EPC1: variants seen among roughly 807,000 people sequenced by gnomAD.
The protein encoded by EPC1 is enhancer of polycomb 1, also known as enhancer of polycomb homolog 1.
EPC1 carries 12 observed loss-of-function variants against 98.4 expected under a neutral mutation model. That is an observed-to-expected ratio of 0.12 (90% CI 0.08 to 0.20). The LOEUF is 0.20. EPC1 is among the 10% of genes least tolerant of loss of function. EPC1 has a pLI of 1.00. For missense variants in EPC1, 729 were observed against 990.5 expected (o/e 0.74, Z 3.54); for synonymous variants, 357 against 363.9 (o/e 0.98, Z 0.21).
chr10:32,292,287 T>C (rs73245663), intron 5 of EPC1: 5,757 of 322,054 alleles, frequency 0.018, 311 homozygotes, highest in African/African-American at 0.11. Context: ...ATACTTGGTA[T>C]GTTTTAACTT....
intron 10 of EPC1, among the ~76,000 whole-genome samples, chr10:32,278,019 G>A (rs114138328): frequency 0.012 from 1,782 of 152,300 alleles, 36 homozygotes; most frequent in African/African-American, 0.041. Flanking sequence ...GTGCAGCTGA[G>A]GGGAAAGTGA....
intron 2 of EPC1, among the ~76,000 whole-genome samples, chr10:32,295,264 A>G (rs1835083762): frequency 1.3e-5 from 2 of 152,084 alleles, no homozygotes; most frequent in Non-Finnish European, 2.9e-5. Flanking sequence ...GGGGGAAATA[A>G]CCTCCAAACC....
chr10:32,295,894 T>C (rs1369456507), intron 2 of EPC1, among the ~76,000 whole-genome samples: 3 of 151,722 alleles, frequency 2.0e-5, no homozygotes, highest in East Asian at 1.9e-4. Context: ...GCCAAATTGA[T>C]AGGGACCAAC....
chr10:32,268,931 G>T lies in EPC1; in HGVS notation c.*132C>A. On this transcript the variant is annotated 3_prime_UTR_variant, in exon 14 of 14. Transcript: ENST00000319778. Reference sequence around the variant, plus strand: ...AAAGAAAAATTGAAGCATGAGAGATGAGCATTGCTGTCAAGTCCCCACAGC... The same window carrying T: ...AAAGAAAAATTGAAGCATGAGAGATTAGCATTGCTGTCAAGTCCCCACAGC... 1 of 688,706 alleles carries T rather than the reference G, an allele frequency of 1.5e-6. No homozygotes were observed. The highest frequency in any genetic ancestry group is 1.9e-5 in the South Asian group (1 of 52,186). 42.7% of individuals were successfully genotyped at this position (688,706 alleles called of 1,614,324 possible).
intron 1 of EPC1, among the ~76,000 whole-genome samples, chr10:32,328,433 A>G (rs2031788): frequency 0.91 from 138,700 of 152,236 alleles, 64,604 homozygotes; most frequent in East Asian, 1. Context: ...TTGTGCTACC[A>G]ACAAACAACC....
intron 9 of EPC1, chr10:32,286,271 T>A (rs1343852396): frequency 1.2e-5 from 2 of 160,064 alleles, no homozygotes; most frequent in African/African-American, 4.8e-5. Flanking sequence ...CCTAACAAAC[T>A]GGGATGTCAA....
intron 1 of EPC1, among the ~76,000 whole-genome samples, chr10:32,329,131 T>C (rs1013589143): frequency 6.6e-6 from 1 of 152,240 alleles, no homozygotes; most frequent in Non-Finnish European, 1.5e-5. Context: ...TATGATTAGA[T>C]GCAGCTATGT....
chr10:32,286,376 C>A, intron 9 of EPC1: 1 of 321,154 alleles, frequency 3.1e-6, no homozygotes, highest in Non-Finnish European at 5.7e-6. Context: ...TAACTTAATA[C>A]ACTGTGTGCA....
chr10:32,366,303 G>T (rs1001102194), intron 1 of EPC1, among the ~76,000 whole-genome samples: 1 of 152,148 alleles, frequency 6.6e-6, no homozygotes, highest in Admixed American at 6.5e-5. Flanking sequence ...AGAAAATGTT[G>T]CTCTTGCCGT....
intron 1 of EPC1, among the ~76,000 whole-genome samples, chr10:32,358,471 C>G (rs1258030679): frequency 6.6e-6 from 1 of 151,706 alleles, no homozygotes; most frequent in Non-Finnish European, 1.5e-5. Context: ...TAATGAGACC[C>G]CATCTCTACA....
At chr10:32,320,474 G>A (rs946549406) in intron 1 of EPC1, among the ~76,000 whole-genome samples, 2 of 152,202 alleles carry the variant, frequency 1.3e-5, no homozygotes, top group African/African-American at 4.8e-5. Context: ...CACAGAGGCA[G>A]GGATAAGCTA....
intron 1 of EPC1, among the ~76,000 whole-genome samples, chr10:32,354,412 C>T (rs2133088572): frequency 6.6e-6 from 1 of 151,972 alleles, no homozygotes; most frequent in East Asian, 1.9e-4. Context: ...CAAGATTGTG[C>T]CACTGCACTC....
chr10:32,280,157 G>A (rs905452108), intron 10 of EPC1, among the ~76,000 whole-genome samples: 1 of 152,194 alleles, frequency 6.6e-6, no homozygotes, highest in Non-Finnish European at 1.5e-5. Context: ...TTACTAAAAT[G>A]TACTTCTATT....
Position 32,305,735 on chromosome 10 carries a change from T to A in EPC1, c.313+37A>T. ...CTGTCAAGTTACATAATAAGAGAAA[T>A]ATAGAAAATACAATCATTAAGAGAA... On this transcript the variant is annotated intron_variant, in intron 2 of 13. Coordinates refer to ENST00000319778, the MANE Select transcript of EPC1 (RefSeq NM_001272004.3). The A allele has an allele frequency of 1.3e-6, 2 of 1,507,804 alleles. 1 individual carries two copies. The highest frequency in any genetic ancestry group is 2.7e-5 in the South Asian group (2 of 72,952). The allele number at this position is 1,507,804 out of a possible 1,614,324, so 93.4% of individuals were successfully genotyped here. A position where few individuals can be genotyped will look rare whatever the true frequency, so the allele number is the denominator to read the frequency against.
chr10:32,334,052 G>A (rs1015124008), intron 1 of EPC1, among the ~76,000 whole-genome samples: 64 of 152,188 alleles, frequency 4.2e-4, no homozygotes, highest in Admixed American at 1.0e-3. Flanking sequence ...GGGGAAAGGC[G>A]ACTGTGGAGA....
At position 32,363,371 on chromosome 10, in the gene EPC1, G is replaced by A. The variant is rs553139005; in HGVS notation, c.3+15120C>T. ...ACTGGGACCGCAAGCTTGAGCTACC[G>A]TGCTCAGCCCATTTTTTCTTGAAGA... On this transcript the variant is annotated intron_variant, in intron 1 of 13. Transcript: ENST00000375110. Among the ~76,000 whole-genome samples the A allele has an allele frequency of 3.4e-4, 52 of 152,250 alleles. 1 individual carries two copies. The Middle Eastern group carries it at 0.01, about 30-fold the overall frequency.
At chr10:32,319,721 G>T (rs890324071) in intron 1 of EPC1, among the ~76,000 whole-genome samples, 6 of 152,072 alleles carry the variant, frequency 3.9e-5, no homozygotes, top group African/African-American at 1.4e-4. Context: ...TGTCACCTGG[G>T]CTGGAAGTGC....
intron 2 of EPC1, among the ~76,000 whole-genome samples, chr10:32,294,241 A>G (rs1314054247): frequency 6.6e-6 from 1 of 152,254 alleles, no homozygotes; most frequent in African/African-American, 2.4e-5. Flanking sequence ...GCCACTACCA[A>G]TAACAGTACA....
At chr10:32,284,349 A>T (rs562042789) in intron 10 of EPC1, 148 of 184,714 alleles carry the variant, frequency 8.0e-4, no homozygotes, top group African/African-American at 3.4e-3. Context: ...TAAAAACTAG[A>T]GAAATATCTG....
Sources: allele counts gnomAD v4.1 joint callset (sites outside exome capture counted in the v4.1 genomes callset), GRCh38; gene constraint gnomAD v4.1.1; transcripts MANE v1.5; gene names NCBI Gene and HGNC (gene_info 2026-07-23, HGNC 2026-07-21).